Variants in STAB1 observed in about 807,000 individuals in gnomAD.
The protein encoded by STAB1 is stabilin-1.
In STAB1, 250 loss-of-function variants were observed where a neutral mutation model predicts 332.4. The ratio of observed to expected loss-of-function variants is 0.75; its 90% CI spans 0.68 to 0.84. The LOEUF (loss-of-function observed/expected upper bound fraction) is 0.84, where lower values mean the gene tolerates loss of function less well. Among genes scored for constraint, STAB1 ranks in the 40% least tolerant of loss-of-function variants. The pLI is 0.00. For missense variants in STAB1, 3,249 were observed against 3,489.7 expected (o/e 0.93, Z 1.74); for synonymous variants, 1,475 against 1,390.4 (o/e 1.06, Z -1.35).
At chr3:52,513,309 G>C in intron 30 of STAB1, 68 bp downstream of exon 30, 5 of 1,454,718 alleles carry the variant, frequency 3.4e-6, no homozygotes, top group Non-Finnish European at 4.6e-6. Context: ...AGTGGCTGCA[G>C]GCTCTCCCAC....
chr3:52,523,148 AC>A lies in STAB1; in HGVS notation c.7020+17del. ...ACCTTCTATGGGGTGTGTGGGGGCC[AC>A]CCTTGGGGGCGGGGGGTGCTGGGAT... On this transcript the variant is annotated intron_variant, in intron 63 of 68. Transcript: ENST00000321725. 1 of 1,606,192 alleles carries A rather than the reference AC, an allele frequency of 6.2e-7. No individual in the cohort carries two copies. The highest frequency in any genetic ancestry group is 8.5e-7 in the Non-Finnish European group (1 of 1,176,672).
intron 38 of STAB1, 44 bp from the exon 39 acceptor site, chr3:52,516,312 A>G (rs1444519047): frequency 6.2e-7 from 1 of 1,606,250 alleles, no homozygotes; most frequent in South Asian, 1.1e-5. Flanking sequence ...CCGGGACAGG[A>G]TGGAGGCACT....
At position 52,516,214 on chromosome 3, in the gene STAB1, C is replaced by G. The variant is rs772123850; in HGVS notation, c.4120C>G (p.Arg1374Gly). ...GGCCTGTGAGGTGTGTGAGCTGGGCCGCTACGGGCCCAACTGCACCGGAGG... is the reference window on the plus strand; with the variant it reads ...GGCCTGTGAGGTGTGTGAGCTGGGCGGCTACGGGCCCAACTGCACCGGAGG... Reference protein sequence around the residue: ...GTACEVCELGRYGPNCTGVCD... With the variant: ...GTACEVCELGGYGPNCTGVCD... The change falls in exon 38 of 69, where the codon CGC (arginine) becomes GGC (glycine). Residue 1374 changes from arginine to glycine, a missense_variant. Coordinates refer to ENST00000321725, the MANE Select transcript of STAB1 (RefSeq NM_015136.3). The G allele has an allele frequency of 6.2e-7, 1 of 1,611,980 alleles. No individual in the cohort carries two copies. Among genetic ancestry groups the G allele is most frequent in the Non-Finnish European group, 8.5e-7 (1 of 1,179,626 alleles).
At chr3:52,507,744 G>A (rs1192270682) in intron 19 of STAB1, 69 bp downstream of exon 19, 2 of 1,590,040 alleles carry the variant, frequency 1.3e-6, no homozygotes, top group East Asian at 4.5e-5. Flanking sequence ...CTGGGTCACA[G>A]GGGTGGGTGG....
At chr3:52,524,265 G>A in intron 68 of STAB1, 35 bp from the exon 69 acceptor site, 1 of 1,613,900 alleles carries the variant, frequency 6.2e-7, no homozygotes, top group Non-Finnish European at 8.5e-7. Flanking sequence ...CCCAGGCCCT[G>A]GTCACACCCT....
In STAB1 at chr3:52,504,475, G is replaced by A. The variant is rs867257785; in HGVS notation, c.1165G>A (p.Glu389Lys). 6.2e-7 allele frequency: 1 copy of A among 1,614,034 alleles called. No homozygotes were observed. The highest frequency in any genetic ancestry group is 8.5e-7 in the Non-Finnish European group (1 of 1,179,996). Reference sequence around the variant, plus strand: ...CTGCCCCCCAGACCAGGGCTGCCGGGAAATCCTTACCACAGCGGGCCCTTT... The same window carrying A: ...CTGCCCCCCAGACCAGGGCTGCCGGAAAATCCTTACCACAGCGGGCCCTTT... ...AVAMMDQGCR[E>K]ILTTAGPFTV... Residue 389 changes from glutamate (E) to lysine (K), a missense_variant, in exon 11 of 69, where the codon GAA (glutamate) becomes AAA (lysine). Physicochemically the swap from Glu to Lys is moderately conservative, Grantham distance 56. Transcript: ENST00000321725.
rs372601175 is a variant in STAB1, at chr3:52,518,860, C to T, written c.5025C>T (p.Ser1675=). The T allele has an allele frequency of 8.0e-4, 1,267 of 1,590,836 alleles. 1 individual carries two copies. Among genetic ancestry groups the T allele is most frequent in the Non-Finnish European group, 1.0e-3 (1,180 of 1,172,918 alleles). ...TCTCAGGGCACCCACTGCGCTTCAG[C>T]GAGAGGGAGGTGAGCCCTGGCCCTG... ...TALSGHPLRF[S]EREGSIYLND... is the part of the protein sequence containing the mutation. Residue 1675 remains serine, a synonymous_variant, in exon 48 of 69, where the codon AGC becomes AGT. Transcript: ENST00000321725.
intron 28 of STAB1, 89 bp from the exon 29 acceptor site, chr3:52,512,739 G>C (rs542407583): frequency 1.4e-5 from 23 of 1,610,594 alleles, no homozygotes; most frequent in Non-Finnish European, 1.8e-5. Context: ...GTGGGAGGTT[G>C]GGGGCAGGGC....
intron 3 of STAB1, 87 bp downstream of exon 3, chr3:52,501,840 C>T: frequency 2.1e-6 from 3 of 1,401,676 alleles, no homozygotes; most frequent in Non-Finnish European, 3.0e-6. Context: ...CTGCATTCCC[C>T]TTCAACTTGT....
In STAB1 at chr3:52,502,736, C is replaced by T. The variant is rs375440295; in HGVS notation, c.583+9C>T. On this transcript the variant is annotated intron_variant, in intron 6 of 68. Coordinates refer to ENST00000321725, the MANE Select transcript of STAB1 (RefSeq NM_015136.3). ...CCCCCACTGTGATCAAGGTGAGCAG[C>T]GCCACTGGGATAGCCTAGGGCAGCA... 35 of 1,611,640 alleles carry T rather than the reference C, an allele frequency of 2.2e-5. No homozygotes were observed. Among genetic ancestry groups the T allele is most frequent in the African/African-American group, 1.7e-4 (13 of 74,902 alleles).
At chr3:52,518,416 T>G in intron 46 of STAB1, 57 bp downstream of exon 46, 14 of 1,591,772 alleles carry the variant, frequency 8.8e-6, no homozygotes, top group Non-Finnish European at 1.2e-5. Context: ...TCTGGACTTC[T>G]GTCCCCATCT....
chr3:52,498,556 G>T (rs1708211323), intron 1 of STAB1, among the ~76,000 whole-genome samples: 2 of 152,196 alleles, frequency 1.3e-5, no homozygotes, highest in African/African-American at 2.4e-5. Context: ...TCCACACCAG[G>T]CCCCAAAGCT....
At position 52,513,171 on chromosome 3, in the gene STAB1, C is replaced by T; in HGVS notation, c.3200C>T (p.Ala1067Val). ...LQGALFEEEL[A>V]RLGGQEVATL... ...GGTGCCCTCTTCGAGGAGGAGCTGG[C>T]CCGGCTGGGTGGGCAGGAAGTGGCC... The change falls in exon 30 of 69, where the codon GCC becomes GTC. Residue 1067 changes from alanine to valine, a missense_variant. Transcript: ENST00000321725. The T allele has an allele frequency of 6.3e-7, 1 of 1,582,656 alleles. No individual in the cohort carries two copies. Among genetic ancestry groups the T allele is most frequent in the Non-Finnish European group, 8.6e-7 (1 of 1,164,780 alleles).
rs992940103 is a variant in STAB1 at position 52,517,982 on chromosome 3, C to T, written c.4740C>T (p.Thr1580=). The change falls in exon 45 of 69, where the codon ACC becomes ACT. Residue 1580 remains threonine, a synonymous_variant. Transcript: ENST00000321725. ...DTAHTVGDGL[T]CRARVGLELL... is the part of the protein sequence containing the mutation. ...CCCACACCGTGGGGGACGGCCTCAC[C>T]TGCCGTGCCCGAGTCGGCCTGGTAA... 10 of 1,605,294 alleles carry T rather than the reference C, an allele frequency of 6.2e-6. No homozygotes were observed. The highest frequency in any genetic ancestry group is 2.2e-5 in the South Asian group (2 of 89,846).
chr3:52,517,963 C>T lies in STAB1; in HGVS notation c.4721C>T (p.Thr1574Ile), dbSNP rs745326249. The T allele has an allele frequency of 2.5e-6, 4 of 1,607,722 alleles. No individual in the cohort carries two copies. The highest frequency in any genetic ancestry group is 1.7e-5 in the Admixed American group (1 of 58,356). The change falls in exon 45 of 69, where the codon ACC (threonine) becomes ATC (isoleucine). Residue 1574 changes from threonine (T) to isoleucine (I), a missense_variant. Physicochemically the swap from Thr to Ile is moderately conservative, Grantham distance 89. Transcript: ENST00000321725. ...QRTCTCDTAHTVGDGLTCRAR... is the reference protein window; with the variant it reads ...QRTCTCDTAHIVGDGLTCRAR... ...ACATGTACCTGCGACACAGCCCACACCGTGGGGGACGGCCTCACCTGCCGT... is the reference window on the plus strand; with the variant it reads ...ACATGTACCTGCGACACAGCCCACATCGTGGGGGACGGCCTCACCTGCCGT...
chr3:52,522,357 G>T lies in STAB1; in HGVS notation c.6493G>T (p.Gly2165Cys). 1.2e-6 allele frequency: 2 copies of T among 1,613,036 alleles called. No homozygotes were observed. The highest frequency in any genetic ancestry group is 1.7e-6 in the Non-Finnish European group (2 of 1,180,026). The change falls in exon 60 of 69, where the codon GGC (glycine) becomes TGC (cysteine). Residue 2165 changes from glycine to cysteine, a missense_variant. Gly to Cys is a radical substitution (Grantham distance 159). Coordinates refer to ENST00000321725, the MANE Select transcript of STAB1 (RefSeq NM_015136.3). Reference sequence around the variant, plus strand: ...CACACGGCGCTGTGAGTGCCACGCAGGCTACGTAGGCGATGGACTGCAGTG... The same window carrying T: ...CACACGGCGCTGTGAGTGCCACGCATGCTACGTAGGCGATGGACTGCAGTG... ...LNTRRCECHA[G>C]YVGDGLQCLE...
At position 52,513,901 on chromosome 3, in the gene STAB1, G is replaced by A; in HGVS notation, c.3367G>A (p.Gly1123Arg). ...GTACCAGGTCTTACTGCCCCCCCGA[G>A]GGGATGTGCCCGGTGGGCAGGGGTT... Reference protein sequence around the residue: ...ILSQVLLPPRGDVPGGQGLLQ... With the variant: ...ILSQVLLPPRRDVPGGQGLLQ... Residue 1123 changes from glycine (G) to arginine (R), a missense_variant, in exon 32 of 69, where the codon GGG (glycine) becomes AGG (arginine). Physicochemically the swap from Gly to Arg is moderately radical, Grantham distance 125. Coordinates refer to ENST00000321725, the MANE Select transcript of STAB1 (RefSeq NM_015136.3). 1.9e-6 allele frequency: 3 copies of A among 1,604,784 alleles called. No individual in the cohort carries two copies. The highest frequency in any genetic ancestry group is 2.6e-6 in the Non-Finnish European group (3 of 1,173,376).
chr3:52,502,039 G>T lies in STAB1; in HGVS notation c.365G>T (p.Gly122Val). The stretch of plus-strand genomic sequence containing the variant: ...GGGGGCGCTGAGACCCCATGCAATG[G>T]CCACGGGACCTGCTTGGATGGCATG... ...CPGGAETPCN[G>V]HGTCLDGMDR... Residue 122 changes from glycine (G) to valine (V), a missense_variant, in exon 4 of 69, where the codon GGC becomes GTC. Gly to Val is a moderately radical substitution (Grantham distance 109). Coordinates refer to ENST00000321725, the MANE Select transcript of STAB1 (RefSeq NM_015136.3). The T allele has an allele frequency of 2.5e-6, 4 of 1,613,266 alleles. No homozygotes were observed. The highest frequency in any genetic ancestry group is 3.4e-6 in the Non-Finnish European group (4 of 1,180,026).
At chr3:52,507,519 C>A in intron 18 of STAB1, 94 bp from the exon 19 acceptor site, 2 of 1,347,092 alleles carry the variant, frequency 1.5e-6, no homozygotes, top group Admixed American at 4.2e-5. Flanking sequence ...CTCTTCTCAT[C>A]CCTTAATCCC....
Sources: gnomAD v4.1 joint callset for allele counts (sites outside exome capture counted in the v4.1 genomes callset) on GRCh38, gnomAD v4.1.1 for gene constraint, MANE v1.5 for transcripts, NCBI Gene and HGNC (gene_info 2026-07-23, HGNC 2026-07-21) for gene names.